NCOR1: variants seen among roughly 807,000 people sequenced by gnomAD.
NCOR1 encodes protein phosphatase 1, regulatory subunit 109.
A neutral mutation model predicts 288.1 loss-of-function variants in NCOR1; 63 were observed. The observed-to-expected ratio is 0.22, with a 90% confidence interval of 0.18 to 0.27. NCOR1 has a LOEUF of 0.27. NCOR1 is among the 10% of genes least tolerant of loss of function. NCOR1 has a pLI of 1.00. For synonymous variants in NCOR1, 1,007 were observed against 1,065.9 expected (o/e 0.94, Z 1.08); for missense variants, 2,397 against 3,019.2 (o/e 0.79, Z 4.83).
rs755257448 is a variant in NCOR1, at chr17:16,067,949, G to A, written c.4686C>T (p.Ser1562=). Residue 1562 remains serine (S), a synonymous_variant, in exon 32 of 46, where the codon AGC becomes AGT. Transcript: ENST00000268712. The stretch of plus-strand genomic sequence containing the variant: ...CTGGATCCAAGTGCGTGGGCAGGTG[G>A]CTCCGATAAACCTCGCCTGCAGTGC... ...RGSTAGEVYR[S]HLPTHLDPAM... 1 of 1,614,194 alleles carries A rather than the reference G, an allele frequency of 6.2e-7. No homozygotes were observed. The highest frequency in any genetic ancestry group is 8.5e-7 in the Non-Finnish European group (1 of 1,180,034).
At chr17:16,142,795 T>C (rs532041549) in intron 11 of NCOR1, among the ~76,000 whole-genome samples, 1 of 152,304 alleles carries the variant, frequency 6.6e-6, no homozygotes, top group Admixed American at 6.5e-5. Flanking sequence ...AATACTGCTT[T>C]TGGGTCTGAA....
intron 25 of NCOR1, 80 bp downstream of exon 25, chr17:16,080,328 A>T: frequency 8.5e-7 from 1 of 1,169,654 alleles, no homozygotes; most frequent in Non-Finnish European, 1.2e-6. Flanking sequence ...AAAGCCCATC[A>T]TTAAAATATA....
At chr17:16,126,305 TGTTA>T (rs1465431284) in intron 14 of NCOR1, 99 bp from the exon 15 acceptor site, 26 of 1,226,464 alleles carry the variant, frequency 2.1e-5, no homozygotes, top group Middle Eastern at 2.2e-4. Flanking sequence ...TTTAAATGAT[TGTTA>T]GTCATTTACA....
chr17:16,177,159 T>C (rs1342190075), intron 3 of NCOR1, among the ~76,000 whole-genome samples: 1 of 152,056 alleles, frequency 6.6e-6, no homozygotes, highest in Admixed American at 6.5e-5. Flanking sequence ...ATTCCTTTTC[T>C]TTCTAATTTT....
At chr17:16,119,526 A>G in intron 16 of NCOR1, 41 bp from the exon 17 acceptor site, 2 of 1,347,288 alleles carry the variant, frequency 1.5e-6, no homozygotes, top group Non-Finnish European at 2.1e-6. Flanking sequence ...AGAAAAACAA[A>G]GTTAAATCCT....
chr17:16,134,828 T>C (rs1453476929), intron 14 of NCOR1, among the ~76,000 whole-genome samples: 3 of 152,200 alleles, frequency 2.0e-5, no homozygotes, highest in East Asian at 1.9e-4. Context: ...GATAAAGTTA[T>C]AAATACTATT....
chr17:16,137,914 G>C, intron 13 of NCOR1: 2 of 409,194 alleles, frequency 4.9e-6, no homozygotes, highest in South Asian at 1.1e-4. Context: ...GGCTCCAAAA[G>C]CATTGTAATC....
intron 1 of NCOR1, among the ~76,000 whole-genome samples, chr17:16,206,979 T>C (rs1385805876): frequency 2.6e-5 from 4 of 152,162 alleles, no homozygotes; most frequent in East Asian, 3.8e-4. Context: ...TCCTCCTTCA[T>C]GCATTATAAT....
chr17:16,178,843 G>A (rs1280751304), intron 3 of NCOR1, among the ~76,000 whole-genome samples: 2 of 152,140 alleles, frequency 1.3e-5, no homozygotes, highest in Admixed American at 1.3e-4. Context: ...GGTGGCTCAC[G>A]CCTATAATCC....
At chr17:16,059,820 C>T (rs1255504866) in intron 37 of NCOR1, among the ~76,000 whole-genome samples, 1 of 152,214 alleles carries the variant, frequency 6.6e-6, no homozygotes, top group African/African-American at 2.4e-5. Flanking sequence ...ACAGTCCTTC[C>T]TATCCCCACC....
intron 3 of NCOR1, among the ~76,000 whole-genome samples, chr17:16,176,062 C>T (rs1457185091): frequency 6.6e-6 from 1 of 151,336 alleles, no homozygotes; most frequent in Admixed American, 6.6e-5. Flanking sequence ...ACTAAAAATA[C>T]AAAAAAATTA....
chr17:16,178,229 G>C (rs779966294), intron 3 of NCOR1, among the ~76,000 whole-genome samples: 2 of 151,516 alleles, frequency 1.3e-5, no homozygotes, highest in African/African-American at 2.4e-5. Context: ...GCCAGTTGTG[G>C]TGGCTCATGC....
At chr17:16,036,174 G>A (rs1427117952) in intron 44 of NCOR1, among the ~76,000 whole-genome samples, 1 of 152,222 alleles carries the variant, frequency 6.6e-6, no homozygotes, top group Non-Finnish European at 1.5e-5. Flanking sequence ...TAGCAGGCAT[G>A]AAAACAACAT....
intron 1 of NCOR1, among the ~76,000 whole-genome samples, chr17:16,206,125 T>C (rs1455004780): frequency 1.3e-5 from 2 of 151,900 alleles, no homozygotes; most frequent in East Asian, 1.9e-4. Context: ...TACTGGTAGC[T>C]TTACAAATTG....
intron 26 of NCOR1, 62 bp from the exon 27 acceptor site, chr17:16,075,764 G>A: frequency 1.9e-6 from 3 of 1,577,884 alleles, no homozygotes; most frequent in Non-Finnish European, 2.6e-6. Context: ...AACACAAGAT[G>A]CTCAGAAAAT....
intron 1 of NCOR1, among the ~76,000 whole-genome samples, chr17:16,210,655 A>C (rs1037892481): frequency 6.6e-6 from 1 of 152,178 alleles, no homozygotes; most frequent in Admixed American, 6.5e-5. Flanking sequence ...GCCAAAATTT[A>C]ATATTAAGAA....
intron 2 of NCOR1, among the ~76,000 whole-genome samples, chr17:16,193,986 C>CAATCTCTT (rs2089211680): frequency 6.6e-6 from 1 of 152,188 alleles, no homozygotes; most frequent in African/African-American, 2.4e-5. Flanking sequence ...CAAGGTAAAT[C>CAATCTCTT]AATCTCTTAC....
chr17:16,199,838 T>C (rs2090520304), intron 1 of NCOR1, among the ~76,000 whole-genome samples: 1 of 152,176 alleles, frequency 6.6e-6, no homozygotes, highest in African/African-American at 2.4e-5. Flanking sequence ...TGTTTTAGGA[T>C]GGGAATAATA....
At chr17:16,049,828 G>C (rs553545871) in intron 40 of NCOR1, among the ~76,000 whole-genome samples, 9 of 152,038 alleles carry the variant, frequency 5.9e-5, no homozygotes, top group Admixed American at 3.9e-4. Flanking sequence ...CCACCTGCCT[G>C]GGCCTCCAAA....
Sources: gnomAD v4.1 joint callset for allele counts (sites outside exome capture counted in the v4.1 genomes callset) on GRCh38, gnomAD v4.1.1 for gene constraint, MANE v1.5 for transcripts, NCBI Gene and HGNC (gene_info 2026-07-23, HGNC 2026-07-21) for gene names.